The following ME1 variants were observed in gnomAD, a reference collection of about 807,000 sequenced individuals.
ME1 encodes NADP-dependent malic enzyme.
In ME1, 74 loss-of-function variants were observed where a neutral mutation model predicts 66.4. The ratio of observed to expected loss-of-function variants is 1.11; its 90% CI spans 0.92 to 1.35. ME1 has a LOEUF of 1.35. ME1 is among the 40% of genes most tolerant of loss of function. The probability of loss-of-function intolerance (pLI) is 0.00; values close to 1 mark genes in which losing one functional copy is unlikely to be tolerated. For missense variants in ME1, 750 were observed against 694.1 expected (o/e 1.08, Z -0.90); for synonymous variants, 251 against 235.6 (o/e 1.07, Z -0.60).
At chr6:83,258,779 G>A (rs1766829121) in intron 6 of ME1, among the ~76,000 whole-genome samples, 1 of 152,130 alleles carries the variant, frequency 6.6e-6, no homozygotes, top group African/African-American at 2.4e-5. Context: ...CCATGGTTGA[G>A]TTCATACTGC....
At chr6:83,305,208 C>T (rs2128537413) in intron 6 of ME1, among the ~76,000 whole-genome samples, 1 of 152,140 alleles carries the variant, frequency 6.6e-6, no homozygotes, top group East Asian at 1.9e-4. Context: ...TACTCTGTGC[C>T]AAGCATTGAT....
chr6:83,369,193 T>C (rs1247112986), intron 3 of ME1, among the ~76,000 whole-genome samples: 2 of 152,044 alleles, frequency 1.3e-5, no homozygotes, highest in Non-Finnish European at 2.9e-5. Flanking sequence ...AAGAATAGGG[T>C]GATGAATGGG....
intron 6 of ME1, among the ~76,000 whole-genome samples, chr6:83,281,077 A>T (rs980111893): frequency 7.9e-5 from 12 of 152,260 alleles, no homozygotes; most frequent in African/African-American, 2.7e-4. Context: ...CTAAGAAAAG[A>T]TCATATATCT....
chr6:83,302,666 C>A (rs1767749101), intron 6 of ME1, among the ~76,000 whole-genome samples: 1 of 152,022 alleles, frequency 6.6e-6, no homozygotes, highest in South Asian at 2.1e-4. Context: ...AGATATTTAA[C>A]CTGAGTTATG....
chr6:83,357,939 A>C (rs4706985), intron 3 of ME1, among the ~76,000 whole-genome samples: 5,494 of 26,688 alleles, frequency 0.21, 245 homozygotes, highest in African/African-American at 0.22. Context: ...CTCTCTCTAT[A>C]TATATATATA....
chr6:83,237,280 G>GAAAGAAAGAAAGA lies in ME1; in HGVS notation c.1026+436_1026+437insTCTTTCTTTCTTT, dbSNP rs1562455285. 1.9e-3 allele frequency among the ~76,000 whole-genome samples: 42 copies of GAAAGAAAGAAAGA among 21,620 alleles called. 5 individuals carry two copies. The highest frequency in any genetic ancestry group is 2.6e-3 in the Non-Finnish European group (23 of 8,714). 14.2% of individuals were successfully genotyped at this position (21,620 alleles called of 152,430 possible). On this transcript the variant is annotated intron_variant, in intron 9 of 13. Coordinates refer to ENST00000369705, the MANE Select transcript of ME1 (RefSeq NM_002395.6). ...GAAAGAAAGAAAGAAAGAAAGAAAG[G>GAAAGAAAGAAAGA]AAGGAAGGAAGGAAAGAAAGAAAAA... is the stretch of plus-strand genomic sequence containing the variant.
In ME1 at chr6:83,320,691, G is replaced by A. The variant is rs568467727; in HGVS notation, c.601-5278C>T. Among the ~76,000 whole-genome samples the A allele has an allele frequency of 2.0e-5, 3 of 152,240 alleles. No homozygotes were observed. The East Asian group carries it at 5.8e-4, about 29-fold the overall frequency. On this transcript the variant is annotated intron_variant, in intron 5 of 13. Transcript: ENST00000369705. ...TGTGAATTAGAAAAATTACACAATT[G>A]AGAAAAAAATGCTACGTTTCCCCTT...
chr6:83,389,690 A>G (rs991192505), intron 3 of ME1, among the ~76,000 whole-genome samples: 4 of 152,174 alleles, frequency 2.6e-5, no homozygotes, highest in South Asian at 4.1e-4. Context: ...ATATACCTGC[A>G]TTATCAATTT....
chr6:83,361,574 G>A (rs1409646894), intron 3 of ME1, among the ~76,000 whole-genome samples: 3 of 152,312 alleles, frequency 2.0e-5, no homozygotes, highest in Non-Finnish European at 4.4e-5. Context: ...ATGCTGTTTG[G>A]AGCCTTTGGC....
chr6:83,218,526 C>A (rs1243319310), intron 12 of ME1, among the ~76,000 whole-genome samples: 1 of 152,120 alleles, frequency 6.6e-6, no homozygotes, highest in African/African-American at 2.4e-5. Flanking sequence ...ATCAGTGGAT[C>A]TGGTATGGGT....
In ME1 at chr6:83,430,858, G is replaced by T. The variant is rs1482249490; in HGVS notation, c.78+19C>A. On this transcript the variant is annotated intron_variant, in intron 1 of 13. Transcript: ENST00000369705. ...ATAGAGAGGGGCCGATGGGCGGCCA[G>T]GTGGGCCTGCGGGTTTACCTTGTTG... is the stretch of plus-strand genomic sequence containing the variant. The T allele has an allele frequency of 6.3e-7, 1 of 1,589,910 alleles. No homozygotes were observed.
chr6:83,387,204 C>T (rs542569349), intron 3 of ME1, among the ~76,000 whole-genome samples: 1 of 151,866 alleles, frequency 6.6e-6, no homozygotes, highest in African/African-American at 2.4e-5. Flanking sequence ...AAAATAGATA[C>T]ATGAAAAAAG....
At chr6:83,249,778 G>A (rs968788951) in intron 7 of ME1, among the ~76,000 whole-genome samples, 1 of 151,900 alleles carries the variant, frequency 6.6e-6, no homozygotes, top group Admixed American at 6.6e-5. Context: ...TTTACTCATG[G>A]TGTACAGTCT....
At chr6:83,287,152 A>T (rs1767411381) in intron 6 of ME1, among the ~76,000 whole-genome samples, 1 of 152,094 alleles carries the variant, frequency 6.6e-6, no homozygotes, top group African/African-American at 2.4e-5. Context: ...TCTTATCATC[A>T]TAATCTTTTT....
At chr6:83,275,774 T>C (rs1767169169) in intron 6 of ME1, among the ~76,000 whole-genome samples, 1 of 110,570 alleles carries the variant, frequency 9.0e-6, no homozygotes, top group African/African-American at 3.6e-5. Flanking sequence ...CTTTTTTTTT[T>C]TTTTTTTTTT....
At chr6:83,252,897 T>G (rs1039920470) in intron 7 of ME1, among the ~76,000 whole-genome samples, 1 of 152,032 alleles carries the variant, frequency 6.6e-6, no homozygotes, top group Non-Finnish European at 1.5e-5. Flanking sequence ...AGAAACAAGG[T>G]GAGTCAACAA....
At chr6:83,326,138 C>A (rs1311895504) in intron 5 of ME1, among the ~76,000 whole-genome samples, 1 of 152,094 alleles carries the variant, frequency 6.6e-6, no homozygotes, top group Non-Finnish European at 1.5e-5. Context: ...CTGACAAAAA[C>A]AAGCAACGGG....
intron 6 of ME1, among the ~76,000 whole-genome samples, chr6:83,295,222 A>C (rs1198787453): frequency 6.6e-6 from 1 of 152,200 alleles, no homozygotes; most frequent in Non-Finnish European, 1.5e-5. Flanking sequence ...GACTCTGCAC[A>C]AAGGCTCAGC....
chr6:83,308,393 T>C (rs553081700), intron 6 of ME1, among the ~76,000 whole-genome samples: 8 of 151,858 alleles, frequency 5.3e-5, no homozygotes, highest in African/African-American at 1.4e-4. Context: ...TAATCATTAA[T>C]GAAATTCTAA....
Sources: allele counts gnomAD v4.1 joint callset (sites outside exome capture counted in the v4.1 genomes callset), GRCh38; gene constraint gnomAD v4.1.1; transcripts MANE v1.5; gene names NCBI Gene and HGNC (gene_info 2026-07-23, HGNC 2026-07-21).